The following DLG2 variants were observed in gnomAD, a reference collection of about 807,000 sequenced individuals.
The protein encoded by DLG2 is discs large MAGUK scaffold protein 2.
DLG2 carries 45 observed loss-of-function variants against 132.5 expected under a neutral mutation model. The ratio of observed to expected loss-of-function variants is 0.34; its 90% CI spans 0.27 to 0.44. DLG2 has a LOEUF of 0.44. DLG2 is among the 20% of genes least tolerant of loss of function. The pLI is 1.00. For missense variants in DLG2, 1,045 were observed against 1,196.9 expected (o/e 0.87, Z 1.87); for synonymous variants, 424 against 419.6 (o/e 1.01, Z -0.13).
chr11:83,748,200 T>C (rs568571636), intron 18 of DLG2, among the ~76,000 whole-genome samples: 12 of 152,346 alleles, frequency 7.9e-5, no homozygotes, highest in African/African-American at 2.9e-4. Flanking sequence ...GCTCTGTTCT[T>C]AGCTTTCTTC....
At chr11:83,557,317 T>C (rs2096538031) in intron 19 of DLG2, among the ~76,000 whole-genome samples, 1 of 152,226 alleles carries the variant, frequency 6.6e-6, no homozygotes, top group Non-Finnish European at 1.5e-5. Flanking sequence ...CTCTGAATGA[T>C]GAGGTGATGA....
At chr11:84,413,397 G>T (rs2098916745) in intron 7 of DLG2, among the ~76,000 whole-genome samples, 1 of 152,148 alleles carries the variant, frequency 6.6e-6, no homozygotes, top group Non-Finnish European at 1.5e-5. Flanking sequence ...CATAAACAAA[G>T]GCAGAAGATA....
intron 17 of DLG2, chr11:83,791,507 G>A (rs1330790508): frequency 1.6e-6 from 1 of 633,684 alleles, no homozygotes; most frequent in Non-Finnish European, 2.9e-6. Flanking sequence ...GTACTACCAT[G>A]AAATCAGTTT....
chr11:85,236,489 C>G (rs1200477856), intron 4 of DLG2, among the ~76,000 whole-genome samples: 1 of 151,906 alleles, frequency 6.6e-6, no homozygotes, highest in African/African-American at 2.4e-5. Context: ...TATAAGGATA[C>G]CAGTCATATT....
chr11:84,709,967 C>A (rs2060197036), intron 6 of DLG2, among the ~76,000 whole-genome samples: 2 of 151,976 alleles, frequency 1.3e-5, no homozygotes, highest in African/African-American at 2.4e-5. Context: ...CTTGTCTTCT[C>A]ATTATCTGGA....
chr11:85,232,985 T>C lies in DLG2; in HGVS notation c.186+52235A>G, dbSNP rs1323541193. On this transcript the variant is annotated intron_variant, in intron 4 of 27. Transcript: ENST00000376104. ...CCAGTTTGAAGATCTTGCTTCTGTA[T>C]GGCCTTAATGCCTTTCTTTCCATGC... Among the ~76,000 whole-genome samples the C allele has an allele frequency of 2.0e-5, 3 of 152,000 alleles. No homozygotes were observed. In the South Asian group the frequency reaches 6.2e-4, roughly 31 times the overall value.
intron 11 of DLG2, among the ~76,000 whole-genome samples, chr11:83,984,192 T>TAGATA (rs1023877878): frequency 1.3e-4 from 19 of 142,068 alleles, no homozygotes; most frequent in South Asian, 2.2e-4. Flanking sequence ...GATAGATAGA[T>TAGATA]GATAGATAGA....
chr11:85,110,215 G>T (rs2072479699), intron 6 of DLG2, among the ~76,000 whole-genome samples: 1 of 151,846 alleles, frequency 6.6e-6, no homozygotes, highest in Non-Finnish European at 1.5e-5. Context: ...TTCAAGATCA[G>T]CCTGTTCAAC....
chr11:84,891,883 G>A (rs2089452083), intron 6 of DLG2, among the ~76,000 whole-genome samples: 1 of 152,064 alleles, frequency 6.6e-6, no homozygotes, highest in Admixed American at 6.6e-5. Flanking sequence ...TCAGATGAGG[G>A]ATAAAAAAAT....
chr11:84,581,047 C>T (rs539558428), intron 6 of DLG2, among the ~76,000 whole-genome samples: 1 of 152,322 alleles, frequency 6.6e-6, no homozygotes, highest in South Asian at 2.1e-4. Flanking sequence ...TCTGTCTTTA[C>T]ACAAAATGAC....
intron 6 of DLG2, among the ~76,000 whole-genome samples, chr11:84,991,362 AGCTGAGCAGGGT>A (rs1463249643): frequency 6.6e-6 from 1 of 151,948 alleles, no homozygotes; most frequent in African/African-American, 2.4e-5. Context: ...TATAAAAATG[AGCTGAGCAGGGT>A]GGCACTCGCC....
intron 6 of DLG2, among the ~76,000 whole-genome samples, chr11:84,858,415 A>AT (rs2083087716): frequency 6.6e-6 from 1 of 151,992 alleles, no homozygotes; most frequent in African/African-American, 2.4e-5. Context: ...GTAGAGTGAG[A>AT]TTTTCTTTCA....
intron 6 of DLG2, among the ~76,000 whole-genome samples, chr11:85,060,251 T>C (rs1312714263): frequency 1.3e-5 from 2 of 151,378 alleles, no homozygotes; most frequent in Non-Finnish European, 3.0e-5. Flanking sequence ...TTTATCTTTG[T>C]TGTACATATT....
chr11:85,622,318 A>G (rs1297625271), intron 2 of DLG2, among the ~76,000 whole-genome samples: 3 of 152,180 alleles, frequency 2.0e-5, no homozygotes, highest in Non-Finnish European at 4.4e-5. Flanking sequence ...GAAAACCAGA[A>G]TATTTGTGTA....
intron 11 of DLG2, among the ~76,000 whole-genome samples, chr11:84,005,681 T>C (rs532238418): frequency 1.4e-4 from 22 of 151,904 alleles, no homozygotes; most frequent in African/African-American, 5.3e-4. Context: ...GCAAAGGGCA[T>C]TAATAGACAT....
intron 6 of DLG2, among the ~76,000 whole-genome samples, chr11:84,903,160 G>T (rs138692424): frequency 2.0e-3 from 301 of 152,154 alleles, no homozygotes; most frequent in African/African-American, 6.9e-3. Flanking sequence ...AATTAAACTG[G>T]TGATACTATA....
At chr11:84,065,443 T>C (rs1772286424) in intron 10 of DLG2, among the ~76,000 whole-genome samples, 6 of 152,122 alleles carry the variant, frequency 3.9e-5, no homozygotes, top group Admixed American at 3.9e-4. Flanking sequence ...GACATAGACA[T>C]GGCCAGCAAG....
At chr11:84,134,692 C>CTGCG (rs1555367919) in intron 9 of DLG2, among the ~76,000 whole-genome samples, 1 of 149,556 alleles carries the variant, frequency 6.7e-6, no homozygotes, top group Non-Finnish European at 1.5e-5. Flanking sequence ...CTTTTGTTAT[C>CTGCG]TGTGTGTGTG....
At chr11:85,564,231 T>C (rs922453504) in intron 3 of DLG2, among the ~76,000 whole-genome samples, 9 of 152,056 alleles carry the variant, frequency 5.9e-5, no homozygotes, top group Non-Finnish European at 1.0e-4. Context: ...TTCTTGATGG[T>C]GTCTTTTAAA....
Sources: allele counts gnomAD v4.1 joint callset (sites outside exome capture counted in the v4.1 genomes callset), GRCh38; gene constraint gnomAD v4.1.1; transcripts MANE v1.5; gene names NCBI Gene and HGNC (gene_info 2026-07-23, HGNC 2026-07-21).